ZC3H12B: variants seen among roughly 807,000 people sequenced by gnomAD.
ZC3H12B encodes probable ribonuclease ZC3H12B.
In ZC3H12B, 7 loss-of-function variants were observed where a neutral mutation model predicts 43.9. The ratio of observed to expected loss-of-function variants is 0.16; its 90% confidence interval spans 0.09 to 0.30. The LOEUF is 0.30. Among genes scored for constraint, ZC3H12B ranks in the 10% least tolerant of loss-of-function variants. ZC3H12B has a pLI of 1.00. For missense variants in ZC3H12B, 475 were observed against 670.2 expected (o/e 0.71, Z 3.22); for synonymous variants, 222 against 241.7 (o/e 0.92, Z 0.76).
At chrX:65,401,383 T>C (rs904744963) in intron 3 of ZC3H12B, among the ~76,000 whole-genome samples, 1 of 111,507 alleles carries the variant, frequency 9.0e-6, no homozygotes, top group Non-Finnish European at 1.9e-5. Flanking sequence ...AGGGAGCACT[T>C]AAAGAAACCT....
At chrX:65,150,396 G>A in the ZC3H12B span, among the ~76,000 whole-genome samples, 26 of 110,186 alleles carry the variant, frequency 2.4e-4, no homozygotes, top group Non-Finnish European at 4.0e-4. Context: ...TTTAAGTTCT[G>A]GGATACATAT....
chrX:65,475,439 G>GTT (rs1183961371), intron 3 of ZC3H12B, among the ~76,000 whole-genome samples: 2 of 102,672 alleles, frequency 1.9e-5, no homozygotes, highest in Admixed American at 1.1e-4. Context: ...TTTGATGGCA[G>GTT]TTTTTTTTTT....
At chrX:65,451,036 C>T (rs1376666609) in intron 3 of ZC3H12B, among the ~76,000 whole-genome samples, 1 of 107,877 alleles carries the variant, frequency 9.3e-6, no homozygotes, top group South Asian at 4.0e-4. Flanking sequence ...CAAGCTCCAC[C>T]TCCTGGGTTC....
At chrX:65,153,722 A>C in the ZC3H12B span, among the ~76,000 whole-genome samples, 9,163 of 111,790 alleles carry the variant, frequency 0.082, 1,023 homozygotes, top group African/African-American at 0.29. Context: ...CATCCATCCC[A>C]TTACTGGGTA....
the ZC3H12B span, among the ~76,000 whole-genome samples, chrX:65,235,647 G>A: frequency 1.8e-5 from 2 of 111,351 alleles, no homozygotes; most frequent in Non-Finnish European, 3.8e-5. Flanking sequence ...CAGGCTGCAA[G>A]CAGATTCCAA....
At chrX:65,147,239 T>A in the ZC3H12B span, among the ~76,000 whole-genome samples, 2 of 112,019 alleles carry the variant, frequency 1.8e-5, no homozygotes, top group East Asian at 5.6e-4. Flanking sequence ...ATCGAGAGAT[T>A]CTGGGCAGGC....
chrX:65,212,198 T>G, the ZC3H12B span, among the ~76,000 whole-genome samples: 1 of 43,445 alleles, frequency 2.3e-5, no homozygotes, highest in African/African-American at 9.3e-5. Context: ...TTATATAATA[T>G]AATTATTATA....
the ZC3H12B span, among the ~76,000 whole-genome samples, chrX:65,152,325 A>C: frequency 9.0e-6 from 1 of 111,678 alleles, no homozygotes; most frequent in Non-Finnish European, 1.9e-5. Context: ...TTGTATATCT[A>C]GAAAACCCCA....
At chrX:65,224,115 T>A in the ZC3H12B span, among the ~76,000 whole-genome samples, 6 of 112,680 alleles carry the variant, frequency 5.3e-5, no homozygotes, top group Non-Finnish European at 1.1e-4. Flanking sequence ...GGAATATTAC[T>A]CTGCCATAAA....
chrX:65,122,721 C>T, the ZC3H12B span, among the ~76,000 whole-genome samples: 6 of 111,023 alleles, frequency 5.4e-5, no homozygotes, highest in East Asian at 2.9e-4. Flanking sequence ...CAAAAAAAGG[C>T]AGGGGTTGCA....
the ZC3H12B span, among the ~76,000 whole-genome samples, chrX:65,047,971 G>A: frequency 9.0e-6 from 1 of 110,822 alleles, no homozygotes. Flanking sequence ...AATTTTGAGT[G>A]TACAGTACAG....
chrX:65,108,647 A>T, the ZC3H12B span, among the ~76,000 whole-genome samples: 1 of 111,108 alleles, frequency 9.0e-6, no homozygotes, highest in Non-Finnish European at 1.9e-5. Context: ...CTTAAAAAAA[A>T]AAAAACTAAG....
the ZC3H12B span, among the ~76,000 whole-genome samples, chrX:65,214,305 G>C: frequency 6.8e-4 from 76 of 111,637 alleles, no homozygotes; most frequent in African/African-American, 2.3e-3. Context: ...TGTAGCATGT[G>C]ATGCTGTTTG....
chrX:65,160,073 T>A, the ZC3H12B span, among the ~76,000 whole-genome samples: 2 of 112,079 alleles, frequency 1.8e-5, no homozygotes, highest in Non-Finnish European at 3.8e-5. Flanking sequence ...ATTTATTGAT[T>A]TGTGTATATT....
the ZC3H12B span, among the ~76,000 whole-genome samples, chrX:65,145,715 A>G: frequency 2.9e-4 from 32 of 111,109 alleles, no homozygotes; most frequent in African/African-American, 1.0e-3. Flanking sequence ...TTGTCTGAAG[A>G]AGAATGTATA....
the ZC3H12B span, among the ~76,000 whole-genome samples, chrX:65,168,499 T>C: frequency 9.3e-6 from 1 of 107,912 alleles, no homozygotes; most frequent in Admixed American, 1.0e-4. Context: ...AAAATTCTCT[T>C]TTTTTTTTTG....
At chrX:65,074,454 T>C in the ZC3H12B span, among the ~76,000 whole-genome samples, 1 of 111,756 alleles carries the variant, frequency 8.9e-6, no homozygotes, top group African/African-American at 3.3e-5. Flanking sequence ...TTTGAAGCCC[T>C]TTGGTTTCCT....
chrX:65,190,030 C>T, the ZC3H12B span, among the ~76,000 whole-genome samples: 2 of 111,304 alleles, frequency 1.8e-5, no homozygotes, highest in African/African-American at 6.6e-5. Flanking sequence ...ATCCAGTTTC[C>T]CCAGCACCAT....
At chrX:65,487,561 A>C (rs759147153), upstream of ZC3H12B, among the ~76,000 whole-genome samples, 60 of 109,950 alleles carry the variant, frequency 5.5e-4, no homozygotes, top group South Asian at 0.011. Context: ...CCAAAAAAAA[A>C]CAAAAAAAAT....
Sources: gnomAD v4.1 joint callset for allele counts (sites outside exome capture counted in the v4.1 genomes callset) on GRCh38, gnomAD v4.1.1 for gene constraint, MANE v1.5 for transcripts, NCBI Gene and HGNC (gene_info 2026-07-23, HGNC 2026-07-21) for gene names.